Variants in AGMO observed in about 807,000 individuals in gnomAD.
The protein encoded by AGMO is alkylglycerol monooxygenase.
AGMO carries 75 observed loss-of-function variants against 60.2 expected under a neutral mutation model. The observed-to-expected ratio is 1.25, with a 90% confidence interval of 1.03 to 1.51. The LOEUF (loss-of-function observed/expected upper bound fraction) is 1.51. Among genes scored for constraint, AGMO ranks in the 40% most tolerant of loss-of-function variants. AGMO has a pLI of 0.00. For synonymous variants in AGMO, 261 were observed against 177.1 expected (o/e 1.47, Z -3.76); for missense variants, 763 against 525.5 (o/e 1.45, Z -4.42).
At chr7:15,446,622 T>A (rs1328986389) in intron 3 of AGMO, among the ~76,000 whole-genome samples, 1 of 152,206 alleles carries the variant, frequency 6.6e-6, no homozygotes, top group South Asian at 2.1e-4. Context: ...TCAAACCTCA[T>A]AAATATCCAC....
downstream of AGMO, among the ~76,000 whole-genome samples, chr7:15,196,556 C>T (rs1310989914): frequency 6.6e-6 from 1 of 152,164 alleles, no homozygotes; most frequent in Non-Finnish European, 1.5e-5. Flanking sequence ...CTCCTTCATT[C>T]TAGTTTGGCT....
chr7:15,138,757 G>T, the AGMO span, among the ~76,000 whole-genome samples: 1 of 152,034 alleles, frequency 6.6e-6, no homozygotes, highest in Non-Finnish European at 1.5e-5. Context: ...AAATCTTTTT[G>T]AATGAAGACA....
At chr7:15,188,793 G>A in the AGMO span, among the ~76,000 whole-genome samples, 1 of 152,202 alleles carries the variant, frequency 6.6e-6, no homozygotes, top group African/African-American at 2.4e-5. Context: ...AGATGCTACT[G>A]AGAAGACAAA....
chr7:15,449,394 C>A (rs1781797338), intron 3 of AGMO, among the ~76,000 whole-genome samples: 1 of 152,102 alleles, frequency 6.6e-6, no homozygotes, highest in African/African-American at 2.4e-5. Flanking sequence ...CCATGTGCCA[C>A]ATAATGCGTC....
At chr7:15,485,679 A>G (rs1782901885) in intron 3 of AGMO, among the ~76,000 whole-genome samples, 1 of 152,160 alleles carries the variant, frequency 6.6e-6, no homozygotes, top group Non-Finnish European at 1.5e-5. Context: ...CAGCCTTGGA[A>G]GAAAACGTAG....
Position 15,444,477 on chromosome 7 carries a change from T to G in AGMO, c.410-13369A>C, listed in dbSNP as rs1167430079. 2.0e-5 allele frequency among the ~76,000 whole-genome samples: 3 copies of G among 152,324 alleles called. No individual in the cohort carries two copies. The South Asian group carries it at 6.2e-4, about 32-fold the overall frequency. ...GTCACTTGAATCTTTCCAAAGCAAT[T>G]ATTGGCCTTCTTGCCAAAACCAAAG... On this transcript the variant is annotated intron_variant, in intron 3 of 12. Coordinates refer to ENST00000342526, the MANE Select transcript of AGMO (RefSeq NM_001004320.2).
At chr7:15,358,087 C>G (rs1027096438) in intron 12 of AGMO, 1 of 168,614 alleles carries the variant, frequency 5.9e-6, no homozygotes, top group Non-Finnish European at 1.3e-5. Flanking sequence ...CTGGGTAAAA[C>G]GAGACATCTG....
intron 5 of AGMO, among the ~76,000 whole-genome samples, chr7:15,409,401 A>C (rs990008592): frequency 2.0e-5 from 3 of 151,930 alleles, no homozygotes; most frequent in African/African-American, 2.4e-5. Flanking sequence ...GTGACAAGTG[A>C]ATGAAGTATG....
intron 12 of AGMO, chr7:15,306,617 C>G: frequency 2.4e-6 from 1 of 420,666 alleles, no homozygotes; most frequent in South Asian, 1.7e-5. Flanking sequence ...TGTTACCTTG[C>G]TAAAAAGTTA....
rs527926576 is a variant in AGMO, at chr7:15,501,552, A to T, written c.409+43220T>A. On this transcript the variant is annotated intron_variant, in intron 3 of 12. Coordinates refer to ENST00000342526, the MANE Select transcript of AGMO (RefSeq NM_001004320.2). ...ACTGGTTTTAAGTCAAATCAAATTA[A>T]TATACAAGAACTCCATTATTATGCC... Among the ~76,000 whole-genome samples the T allele has an allele frequency of 7.2e-5, 11 of 152,156 alleles. No homozygotes were observed. In the South Asian group the frequency reaches 2.3e-3, roughly 32 times the overall value.
intron 3 of AGMO, among the ~76,000 whole-genome samples, chr7:15,440,861 G>T (rs551638167): frequency 9.9e-5 from 15 of 152,282 alleles, no homozygotes; most frequent in African/African-American, 3.4e-4. Flanking sequence ...TTATGGATAA[G>T]ACAGTCTGAT....
chr7:15,349,567 T>C (rs1334018563), intron 12 of AGMO, among the ~76,000 whole-genome samples: 2 of 152,066 alleles, frequency 1.3e-5, no homozygotes, highest in African/African-American at 4.8e-5. Flanking sequence ...TTCTCACAGG[T>C]TCCTAGAAAT....
chr7:15,268,293 C>CT (rs1238502926), intron 12 of AGMO, among the ~76,000 whole-genome samples: 1 of 151,928 alleles, frequency 6.6e-6, no homozygotes, highest in Non-Finnish European at 1.5e-5. Flanking sequence ...AAAGCCTTTC[C>CT]TTTATTACCT....
intron 3 of AGMO, among the ~76,000 whole-genome samples, chr7:15,499,609 T>C (rs1783323818): frequency 6.6e-6 from 1 of 151,744 alleles, no homozygotes; most frequent in Non-Finnish European, 1.5e-5. Flanking sequence ...AAACCACATA[T>C]TCATTTCCCC....
At position 15,380,249 on chromosome 7, in the gene AGMO, T is replaced by C. The variant is rs143546523; in HGVS notation, c.1074+5197A>G. Among the ~76,000 whole-genome samples, 846 of 152,252 alleles carry C rather than the reference T, an allele frequency of 5.6e-3. 11 individuals carry two copies. Among genetic ancestry groups the C allele is most frequent in the African/African-American group, 0.016 (666 of 41,568 alleles). On this transcript the variant is annotated intron_variant, in intron 10 of 12. Transcript: ENST00000342526. ...CCTATTTGCAGACGACATGATCCTCTACCTAGAAAACCCCATGGTGTCAAC... is the reference window on the plus strand; with the variant it reads ...CCTATTTGCAGACGACATGATCCTCCACCTAGAAAACCCCATGGTGTCAAC...
At chr7:15,399,272 C>G (rs1368248492) in intron 5 of AGMO, among the ~76,000 whole-genome samples, 1 of 150,908 alleles carries the variant, frequency 6.6e-6, no homozygotes, top group Admixed American at 6.6e-5. Context: ...AAATAAGCAC[C>G]TATGATATTT....
intron 3 of AGMO, among the ~76,000 whole-genome samples, chr7:15,459,439 G>A (rs962349948): frequency 6.6e-6 from 1 of 152,116 alleles, no homozygotes; most frequent in Non-Finnish European, 1.5e-5. Flanking sequence ...GGGAAGAGTG[G>A]TTATGTTCCG....
chr7:15,141,376 G>T, the AGMO span, among the ~76,000 whole-genome samples: 1 of 152,084 alleles, frequency 6.6e-6, no homozygotes, highest in Non-Finnish European at 1.5e-5. Context: ...CTGAGCTCAG[G>T]AGTTTGCAAC....
chr7:15,376,871 T>C (rs931603780), intron 10 of AGMO, among the ~76,000 whole-genome samples: 25 of 152,248 alleles, frequency 1.6e-4, no homozygotes, highest in African/African-American at 5.3e-4. Context: ...TATTTAAATA[T>C]ATGCTTTGCA....
Sources: gnomAD v4.1 joint callset for allele counts (sites outside exome capture counted in the v4.1 genomes callset) on GRCh38, gnomAD v4.1.1 for gene constraint, MANE v1.5 for transcripts, NCBI Gene and HGNC (gene_info 2026-07-23, HGNC 2026-07-21) for gene names.